ITGBL1: variants seen among roughly 807,000 people sequenced by gnomAD.
ITGBL1 encodes integrin subunit beta like 1.
In ITGBL1, 51 loss-of-function variants were observed where a neutral mutation model predicts 68.5. That is an observed-to-expected ratio of 0.74 (90% CI 0.59 to 0.94). The LOEUF is 0.94. Ranked by LOEUF, ITGBL1 falls within the 40% of genes least tolerant of loss-of-function variation. The pLI, the probability that ITGBL1 is intolerant of heterozygous loss-of-function variation, is 0.00. For missense variants in ITGBL1, 649 were observed against 647.4 expected, an observed-to-expected ratio of 1.00 and a Z score of -0.03; for synonymous variants, 209 against 227.3, an observed-to-expected ratio of 0.92 and a Z score of 0.72.
At chr13:101,506,792 A>G (rs1341021644) in intron 2 of ITGBL1, among the ~76,000 whole-genome samples, 1 of 152,176 alleles carries the variant, frequency 6.6e-6, no homozygotes, top group Non-Finnish European at 1.5e-5. Context: ...TTCTCTCCTG[A>G]GATCTCTCTT....
rs537507303 is a variant in ITGBL1, at chr13:101,454,084, C to A, written c.300C>A (p.Asp100Glu). The A allele has an allele frequency of 6.3e-5, 100 of 1,576,940 alleles. No homozygotes were observed. In the East Asian group the frequency reaches 2.3e-3, roughly 36 times the overall value. ...ATGAGTGGGTGTGCGAGACCTACGA[C>A]GGGAGCACCTGTGCAGGTAAGAGGG... ...ECHEWVCETY[D>E]GSTCAGHGKC... The change falls in exon 2 of 11, where the codon GAC becomes GAA. Residue 100 changes from aspartate to glutamate, a missense_variant. Coordinates refer to ENST00000376180, the MANE Select transcript of ITGBL1 (RefSeq NM_004791.3).
intron 8 of ITGBL1, among the ~76,000 whole-genome samples, chr13:101,693,930 C>T (rs2033942140): frequency 6.6e-6 from 1 of 152,100 alleles, no homozygotes; most frequent in African/African-American, 2.4e-5. Context: ...AATGGAACAC[C>T]AGGCATAAAT....
rs9585751 is a variant in ITGBL1, at chr13:101,653,618, G to A, written c.1016-38967G>A. The stretch of plus-strand genomic sequence containing the variant: ...CCAAAAACATGTAAATAGGCAGCAA[G>A]ACAATACATGCTTTTGGCAAGTGCT... On this transcript the variant is annotated intron_variant, in intron 7 of 10. Coordinates refer to ENST00000376180, the MANE Select transcript of ITGBL1 (RefSeq NM_004791.3). 9.5e-3 allele frequency among the ~76,000 whole-genome samples: 1,453 copies of A among 152,220 alleles called. 17 individuals carry two copies. The highest frequency in any genetic ancestry group is 0.033 in the African/African-American group (1,376 of 41,544).
chr13:101,695,436 A>C (rs1241769239), intron 8 of ITGBL1, among the ~76,000 whole-genome samples: 1 of 152,198 alleles, frequency 6.6e-6, no homozygotes, highest in Admixed American at 6.5e-5. Context: ...AAACATGTTA[A>C]TAACTTGAGG....
At chr13:101,660,466 C>T (rs1398801063) in intron 7 of ITGBL1, among the ~76,000 whole-genome samples, 1 of 152,134 alleles carries the variant, frequency 6.6e-6, no homozygotes, top group Admixed American at 6.5e-5. Flanking sequence ...TCAGGTTCTA[C>T]AATAGCAATG....
At chr13:101,608,301 T>C (rs1370943045) in intron 7 of ITGBL1, among the ~76,000 whole-genome samples, 1 of 152,040 alleles carries the variant, frequency 6.6e-6, no homozygotes, top group Non-Finnish European at 1.5e-5. Context: ...CTTTCCTTTT[T>C]ATTGGGAAAG....
chr13:101,575,798 C>T (rs1436052373), intron 4 of ITGBL1, among the ~76,000 whole-genome samples: 2 of 152,158 alleles, frequency 1.3e-5, no homozygotes, highest in Non-Finnish European at 2.9e-5. Context: ...AACTGCATAG[C>T]TCTGAAGTAG....
Position 101,567,721 on chromosome 13 carries a change from C to T in ITGBL1, c.339C>T (p.Gly113=). 1.9e-6 allele frequency: 3 copies of T among 1,613,000 alleles called. No individual in the cohort carries two copies. Among genetic ancestry groups the T allele is most frequent in the Non-Finnish European group, 1.7e-6 (2 of 1,179,360 alleles). ...TCAGHGKCDC[G]KCKCDQGWYG... is the part of the protein sequence containing the mutation. ...CAGGCCATGGTAAGTGTGACTGTGGCAAGTGCAAGTGTGACCAGGGATGGT... is the reference window on the plus strand; with the variant it reads ...CAGGCCATGGTAAGTGTGACTGTGGTAAGTGCAAGTGTGACCAGGGATGGT... The change falls in exon 3 of 11, where the codon GGC becomes GGT. Residue 113 remains glycine (G), a synonymous_variant. Transcript: ENST00000376180.
chr13:101,453,395 C>T (rs370233339), intron 1 of ITGBL1, among the ~76,000 whole-genome samples: 6 of 152,126 alleles, frequency 3.9e-5, no homozygotes, highest in East Asian at 3.9e-4. Flanking sequence ...AAATTATGCC[C>T]GATGCTATCA....
intron 7 of ITGBL1, among the ~76,000 whole-genome samples, chr13:101,601,429 A>G (rs541616847): frequency 5.8e-4 from 88 of 151,888 alleles, no homozygotes; most frequent in African/African-American, 1.7e-3. Context: ...TTGTGTCTCT[A>G]TTTCCTTCAG....
intron 2 of ITGBL1, among the ~76,000 whole-genome samples, chr13:101,508,922 G>A (rs376591224): frequency 2.0e-5 from 3 of 151,900 alleles, no homozygotes; most frequent in African/African-American, 4.8e-5. Context: ...ACTGGCTCCC[G>A]TTAGTAAAGA....
chr13:101,562,342 G>A lies in ITGBL1; in HGVS notation c.317-5357G>A, dbSNP rs550219719. Among the ~76,000 whole-genome samples, 7 of 152,092 alleles carry A rather than the reference G, an allele frequency of 4.6e-5. No individual in the cohort carries two copies. In the South Asian group the frequency reaches 1.2e-3, roughly 27 times the overall value. On this transcript the variant is annotated intron_variant, in intron 2 of 10. Coordinates refer to ENST00000376180, the MANE Select transcript of ITGBL1 (RefSeq NM_004791.3). Reference sequence around the variant, plus strand: ...AGTTGGTAGATTTATATCCAGCAATGTAAAAAATCATGTTAAATGTGATCT... The same window carrying A: ...AGTTGGTAGATTTATATCCAGCAATATAAAAAATCATGTTAAATGTGATCT...
chr13:101,649,719 T>C (rs2032681365), intron 7 of ITGBL1, among the ~76,000 whole-genome samples: 1 of 152,214 alleles, frequency 6.6e-6, no homozygotes, highest in African/African-American at 2.4e-5. Context: ...ACTCATCTTG[T>C]ACACTTTGAT....
At chr13:101,699,902 T>C (rs1408283399) in intron 8 of ITGBL1, among the ~76,000 whole-genome samples, 1 of 152,200 alleles carries the variant, frequency 6.6e-6, no homozygotes, top group African/African-American at 2.4e-5. Flanking sequence ...TTAGTAGACC[T>C]CCAGTATGGG....
intron 3 of ITGBL1, among the ~76,000 whole-genome samples, chr13:101,569,025 A>ACAC (rs2050227306): frequency 5.9e-4 from 61 of 103,714 alleles, no homozygotes; most frequent in Middle Eastern, 5.0e-3. Context: ...CACCCCTCCA[A>ACAC]ACACACACAC....
At chr13:101,606,734 G>A (rs2030885521) in intron 7 of ITGBL1, among the ~76,000 whole-genome samples, 1 of 151,934 alleles carries the variant, frequency 6.6e-6, no homozygotes, top group African/African-American at 2.4e-5. Flanking sequence ...CCATTAGCTT[G>A]GCTCTCTGAA....
intron 8 of ITGBL1, among the ~76,000 whole-genome samples, chr13:101,694,780 CT>C (rs2033965875): frequency 6.6e-6 from 1 of 152,158 alleles, no homozygotes; most frequent in East Asian, 1.9e-4. Flanking sequence ...ATCTCAGTCT[CT>C]TCCACTTTCA....
intron 3 of ITGBL1, among the ~76,000 whole-genome samples, chr13:101,572,953 CAAG>C (rs1370770766): frequency 1.3e-5 from 2 of 151,990 alleles, no homozygotes; most frequent in Non-Finnish European, 2.9e-5. Flanking sequence ...AGTTATAAAA[CAAG>C]AAAACATATG....
chr13:101,523,220 G>A (rs2049315428), intron 2 of ITGBL1, among the ~76,000 whole-genome samples: 1 of 152,118 alleles, frequency 6.6e-6, no homozygotes, highest in African/African-American at 2.4e-5. Context: ...TTTATTGCTG[G>A]ACATGTTTCA....
Sources: allele counts gnomAD v4.1 joint callset (sites outside exome capture counted in the v4.1 genomes callset), GRCh38; gene constraint gnomAD v4.1.1; transcripts MANE v1.5; gene names NCBI Gene and HGNC (gene_info 2026-07-23, HGNC 2026-07-21).